Variants in ERC1 observed in about 807,000 individuals in gnomAD.
ERC1 encodes the protein RAB6 interacting protein 2.
In ERC1, 56 loss-of-function variants were observed where a neutral mutation model predicts 132.0. That is an observed-to-expected ratio of 0.42 (90% CI 0.34 to 0.53). The LOEUF (loss-of-function observed/expected upper bound fraction) is 0.53. Ranked by LOEUF, ERC1 falls within the 20% of genes least tolerant of loss-of-function variation. The pLI is 0.03. For synonymous variants in ERC1, 478 were observed against 476.1 expected, an observed-to-expected ratio of 1.00 and a Z score of -0.05; for missense variants, 1,202 against 1,349.9, an observed-to-expected ratio of 0.89 and a Z score of 1.72.
intron 2 of ERC1, among the ~76,000 whole-genome samples, chr12:1,054,621 C>T (rs1204843786): frequency 6.6e-6 from 1 of 152,018 alleles, no homozygotes; most frequent in African/African-American, 2.4e-5. Flanking sequence ...TTGTGAGTAT[C>T]TGTATGGTTT....
At chr12:1,469,162 T>C (rs1032529393) in intron 18 of ERC1, among the ~76,000 whole-genome samples, 2 of 152,096 alleles carry the variant, frequency 1.3e-5, no homozygotes, top group Admixed American at 6.5e-5. Flanking sequence ...TTATTAAGAG[T>C]CTCCTGCAGG....
chr12:1,211,305 T>C (rs1232914521), intron 12 of ERC1, among the ~76,000 whole-genome samples: 8 of 151,546 alleles, frequency 5.3e-5, no homozygotes, highest in Admixed American at 3.3e-4. Context: ...TGCACCCCCA[T>C]GCCCGGCTAA....
intron 12 of ERC1, among the ~76,000 whole-genome samples, chr12:1,193,786 G>A (rs1955964000): frequency 6.6e-6 from 1 of 152,126 alleles, no homozygotes; most frequent in African/African-American, 2.4e-5. Context: ...TATGTCCATT[G>A]GGATTATCTA....
In ERC1 at chr12:1,492,527, C is replaced by T. The variant is rs536315199; in HGVS notation, c.*2297C>T. The T allele has an allele frequency of 6.9e-5, 16 of 233,206 alleles. No homozygotes were observed. The highest frequency in any genetic ancestry group is 1.8e-4 in the South Asian group (1 of 5,530). 14.4% of individuals were successfully genotyped at this position (233,206 alleles called of 1,614,324 possible). A position where few individuals can be genotyped will look rare whatever the true frequency, so the allele number is the denominator to read the frequency against. ...ACGTGGACTTTCTCATCAGGTGCAGCGCCTGCCACTCTCAGCCACTGGGTG... is the reference window on the plus strand; with the variant it reads ...ACGTGGACTTTCTCATCAGGTGCAGTGCCTGCCACTCTCAGCCACTGGGTG... On this transcript the variant is annotated 3_prime_UTR_variant, in exon 19 of 19. Transcript: ENST00000360905.
chr12:1,313,010 A>G (rs888679858), intron 15 of ERC1, among the ~76,000 whole-genome samples: 1 of 152,130 alleles, frequency 6.6e-6, no homozygotes, highest in Non-Finnish European at 1.5e-5. Context: ...CTATTGCAAT[A>G]AAACCATAAG....
chr12:1,074,441 T>C (rs185323481), intron 2 of ERC1, among the ~76,000 whole-genome samples: 8 of 152,176 alleles, frequency 5.3e-5, no homozygotes, highest in Admixed American at 3.3e-4. Flanking sequence ...GCTGGGATTA[T>C]AGGATGCCAC....
intron 15 of ERC1, among the ~76,000 whole-genome samples, chr12:1,350,431 C>T (rs1212904338): frequency 1.3e-5 from 2 of 152,316 alleles, no homozygotes; most frequent in East Asian, 3.9e-4. Context: ...GGGGATGGTA[C>T]TTCTGGCTCC....
Position 1,493,540 on chromosome 12 carries a change from AAAAAAAAAATATAT to A in ERC1, c.*3312_*3325del, listed in dbSNP as rs2094335098. 4.5e-5 allele frequency: 1 copy of A among 22,394 alleles called. No homozygotes were observed. The highest frequency in any genetic ancestry group is 1.2e-4 in the African/African-American group (1 of 8,306). The allele number at this position is 22,394 out of a possible 1,614,324, so 1.4% of individuals were successfully genotyped here. A position where few individuals can be genotyped will look rare whatever the true frequency, so the allele number is the denominator to read the frequency against. On this transcript the variant is annotated 3_prime_UTR_variant, in exon 19 of 19. Coordinates refer to ENST00000360905, the MANE Select transcript of ERC1 (RefSeq NM_178040.4). ...TGACAGAGACTCCATTTAAAAAAAA[AAAAAAAAAATATAT>A]ATATATATATATATATATATATATG...
chr12:1,466,214 C>A (rs1458679008), intron 18 of ERC1, among the ~76,000 whole-genome samples: 1 of 152,060 alleles, frequency 6.6e-6, no homozygotes, highest in East Asian at 1.9e-4. Flanking sequence ...CTCCTGAGGC[C>A]CCCTCTCCTT....
At position 1,273,735 on chromosome 12, in the gene ERC1, G is replaced by GTGGA. The variant is rs1173090758; in HGVS notation, c.2619+10586_2619+10589dup. On this transcript the variant is annotated intron_variant, in intron 14 of 18. Transcript: ENST00000360905. ...TATAGTATGTTGGACAGATGGGTGGGTGGATGGATGGATGGATGGTCGGTC... is the reference window on the plus strand; with the variant it reads ...TATAGTATGTTGGACAGATGGGTGGGTGGATGGATGGATGGATGGATGGTCGGTC... Among the ~76,000 whole-genome samples the GTGGA allele has an allele frequency of 2.2e-3, 341 of 152,222 alleles. 3 individuals are homozygous for GTGGA. Among genetic ancestry groups the GTGGA allele is most frequent in the African/African-American group, 7.9e-3 (330 of 41,548 alleles).
At chr12:1,144,635 C>CGTATATATATAT (rs1566075478) in intron 8 of ERC1, among the ~76,000 whole-genome samples, 1 of 136,442 alleles carries the variant, frequency 7.3e-6, no homozygotes, top group African/African-American at 3.2e-5. Context: ...TATATATATA[C>CGTATATATATAT]GTGTATATAT....
intron 18 of ERC1, among the ~76,000 whole-genome samples, chr12:1,465,227 T>C (rs1007364875): frequency 1.3e-5 from 2 of 152,176 alleles, no homozygotes; most frequent in Admixed American, 6.5e-5. Context: ...GAGACATGAA[T>C]GTGACCTGCA....
At chr12:1,478,855 A>AT (rs1202019053) in intron 18 of ERC1, among the ~76,000 whole-genome samples, 1 of 151,834 alleles carries the variant, frequency 6.6e-6, no homozygotes, top group African/African-American at 2.4e-5. Context: ...CAGTTTATCA[A>AT]TTTTTTCTCT....
At chr12:1,269,711 G>A (rs995656395) in intron 14 of ERC1, among the ~76,000 whole-genome samples, 5 of 152,160 alleles carry the variant, frequency 3.3e-5, no homozygotes, top group African/African-American at 4.8e-5. Context: ...GAAAGTGCAT[G>A]AACACTTTCC....
intron 7 of ERC1, among the ~76,000 whole-genome samples, chr12:1,134,552 A>G (rs921330855): frequency 1.6e-4 from 25 of 151,786 alleles, no homozygotes; most frequent in African/African-American, 4.8e-4. Context: ...GTGTCTTGCT[A>G]TGTTGCCCAG....
chr12:1,111,636 T>C (rs1003619465), intron 5 of ERC1, among the ~76,000 whole-genome samples: 1 of 152,056 alleles, frequency 6.6e-6, no homozygotes, highest in Non-Finnish European at 1.5e-5. Flanking sequence ...TCTTTTTTTT[T>C]GAGTCGGAGG....
At chr12:1,374,389 C>A (rs760962501) in intron 16 of ERC1, among the ~76,000 whole-genome samples, 1 of 152,150 alleles carries the variant, frequency 6.6e-6, no homozygotes, top group African/African-American at 2.4e-5. Context: ...ACCGCCCCCC[C>A]ACCCCCTACA....
chr12:1,151,452 T>C (rs1389916294), intron 8 of ERC1, among the ~76,000 whole-genome samples: 2 of 152,208 alleles, frequency 1.3e-5, no homozygotes, highest in Non-Finnish European at 2.9e-5. Flanking sequence ...AGATTTGATC[T>C]AAGAAAGACT....
Position 1,403,080 on chromosome 12 carries a change from C to T in ERC1, c.2926-5069C>T, listed in dbSNP as rs183817820. 1.2e-3 allele frequency among the ~76,000 whole-genome samples: 188 copies of T among 152,228 alleles called. 2 individuals carry two copies. Among genetic ancestry groups the T allele is most frequent in the Admixed American group, 4.6e-3 (71 of 15,284 alleles). ...ACATTTTGGACATTGACATTTTTGT[C>T]GTAGAAGAAAAAATTAACAGAATAG... On this transcript the variant is annotated intron_variant, in intron 16 of 18. Coordinates refer to ENST00000360905, the MANE Select transcript of ERC1 (RefSeq NM_178040.4).
Sources: gnomAD v4.1 joint callset for allele counts (sites outside exome capture counted in the v4.1 genomes callset) on GRCh38, gnomAD v4.1.1 for gene constraint, MANE v1.5 for transcripts, NCBI Gene and HGNC (gene_info 2026-07-23, HGNC 2026-07-21) for gene names.